STXBP4: variants seen among roughly 807,000 people sequenced by gnomAD.
STXBP4 encodes syntaxin-binding protein 4.
Under a neutral mutation model 76.1 loss-of-function variants are expected in STXBP4, and 55 were observed. That is an observed-to-expected ratio of 0.72 (90% CI 0.58 to 0.91). The LOEUF (loss-of-function observed/expected upper bound fraction) is 0.91. STXBP4 is among the 40% of genes least tolerant of loss of function. The pLI is 0.00. For missense variants in STXBP4, 618 were observed against 636.9 expected (o/e 0.97, Z 0.32); for synonymous variants, 201 against 220.2 (o/e 0.91, Z 0.77).
the STXBP4 span, among the ~76,000 whole-genome samples, chr17:55,192,157 T>A: frequency 6.6e-6 from 1 of 152,090 alleles, no homozygotes; most frequent in Non-Finnish European, 1.5e-5. Flanking sequence ...TCTGTCTGAG[T>A]TCTGAGTGAA....
chr17:55,092,124 T>C (rs79421174), intron 16 of STXBP4, among the ~76,000 whole-genome samples: 4,423 of 152,168 alleles, frequency 0.029, 88 homozygotes, highest in Admixed American at 0.042. Flanking sequence ...ACGCAAAGAC[T>C]AAGAATGACA....
intron 16 of STXBP4, among the ~76,000 whole-genome samples, chr17:55,083,463 T>A (rs1487600519): frequency 5.3e-5 from 8 of 152,318 alleles, no homozygotes; most frequent in African/African-American, 1.7e-4. Context: ...AGCACTTTTT[T>A]AAAAATAAGC....
intron 16 of STXBP4, among the ~76,000 whole-genome samples, chr17:55,093,908 G>A (rs1363668181): frequency 6.6e-6 from 1 of 152,148 alleles, no homozygotes; most frequent in Non-Finnish European, 1.5e-5. Flanking sequence ...GGCAGAGATG[G>A]ACAAGCAAGT....
At chr17:55,027,522 C>T (rs187854393) in intron 8 of STXBP4, among the ~76,000 whole-genome samples, 80 of 152,184 alleles carry the variant, frequency 5.3e-4, no homozygotes, top group Admixed American at 2.0e-3. Flanking sequence ...TAATACAATT[C>T]ATCTATGTAA....
the STXBP4 span, among the ~76,000 whole-genome samples, chr17:55,204,125 T>A: frequency 1.3e-5 from 2 of 152,154 alleles, no homozygotes; most frequent in East Asian, 3.9e-4. Context: ...CTTCTATTTT[T>A]AATGCTATTC....
chr17:55,049,234 C>T (rs1354628285), intron 12 of STXBP4, among the ~76,000 whole-genome samples: 1 of 151,768 alleles, frequency 6.6e-6, no homozygotes, highest in Non-Finnish European at 1.5e-5. Context: ...ACATGATATT[C>T]CTGAAGACCT....
rs544347900 is a variant in STXBP4, at chr17:55,078,215, A to G, written c.1305+21A>G. 2.7e-6 allele frequency: 4 copies of G among 1,489,246 alleles called. No homozygotes were observed. The Admixed American group carries it at 5.6e-5, about 21-fold the overall frequency. The allele number at this position is 1,489,246 out of a possible 1,614,324, so 92.3% of individuals were successfully genotyped here. A position where few individuals can be genotyped will look rare whatever the true frequency, so the allele number is the denominator to read the frequency against. On this transcript the variant is annotated intron_variant, in intron 14 of 17. Transcript: ENST00000376352. Reference sequence around the variant, plus strand: ...TAGAGGTAAGTTTTTCTGTTCTATTACATTCATCTTTAAAAAATATATAGG... The same window carrying G: ...TAGAGGTAAGTTTTTCTGTTCTATTGCATTCATCTTTAAAAAATATATAGG...
At chr17:55,110,621 A>G (rs1240041655) in intron 16 of STXBP4, among the ~76,000 whole-genome samples, 1 of 152,206 alleles carries the variant, frequency 6.6e-6, no homozygotes, top group Non-Finnish European at 1.5e-5. Flanking sequence ...ACCAAGTAGT[A>G]ACTATTTTAG....
At position 55,159,982 on chromosome 17, in the gene STXBP4, A is replaced by T; in HGVS notation, c.*71A>T. 1 of 935,770 alleles carries T rather than the reference A, an allele frequency of 1.1e-6. No individual in the cohort carries two copies. Among genetic ancestry groups the T allele is most frequent in the Non-Finnish European group, 1.7e-6 (1 of 584,490 alleles). 58.0% of individuals were successfully genotyped at this position (935,770 alleles called of 1,614,324 possible). On this transcript the variant is annotated 3_prime_UTR_variant, in exon 18 of 18. Coordinates refer to ENST00000376352, the MANE Select transcript of STXBP4 (RefSeq NM_178509.6). ...ACGCATAACATCCAATTCTGAGATG[A>T]AACAGTCTAAAATAGGAGTAAAGCA...
the STXBP4 span, among the ~76,000 whole-genome samples, chr17:55,183,097 A>C: frequency 6.6e-6 from 1 of 152,242 alleles, no homozygotes; most frequent in Non-Finnish European, 1.5e-5. Context: ...ACCTATTGAT[A>C]GGCAGCAACA....
intron 16 of STXBP4, among the ~76,000 whole-genome samples, chr17:55,106,731 G>A (rs1472894431): frequency 1.3e-5 from 2 of 151,948 alleles, no homozygotes; most frequent in African/African-American, 4.8e-5. Context: ...GCTTAGTTTG[G>A]CTGGATATGA....
chr17:55,071,256 C>T (rs1013730162), intron 12 of STXBP4, among the ~76,000 whole-genome samples: 1 of 152,122 alleles, frequency 6.6e-6, no homozygotes, highest in African/African-American at 2.4e-5. Context: ...AAACCAAAGT[C>T]CTTGCAACGG....
the STXBP4 span, among the ~76,000 whole-genome samples, chr17:55,208,488 G>A: frequency 6.7e-6 from 1 of 150,206 alleles, no homozygotes; most frequent in African/African-American, 2.5e-5. Context: ...TGAAAAATCA[G>A]TACTGTTATG....
chr17:55,186,469 G>A, the STXBP4 span, among the ~76,000 whole-genome samples: 1 of 152,198 alleles, frequency 6.6e-6, no homozygotes, highest in Non-Finnish European at 1.5e-5. Context: ...AGTATGTAGT[G>A]TTGTAAAAGA....
the STXBP4 span, among the ~76,000 whole-genome samples, chr17:55,185,290 TCTC>T: frequency 6.7e-5 from 6 of 90,188 alleles, no homozygotes; most frequent in African/African-American, 2.8e-4. Flanking sequence ...TCCTTCTCCT[TCTC>T]CTTCTCCTTC....
At chr17:55,197,515 G>A in the STXBP4 span, among the ~76,000 whole-genome samples, 207 of 152,256 alleles carry the variant, frequency 1.4e-3, 1 homozygote, top group Non-Finnish European at 4.4e-4. Context: ...AGGCCAAGGC[G>A]GGCAGATAAC....
chr17:55,205,353 A>C, the STXBP4 span, among the ~76,000 whole-genome samples: 197 of 152,286 alleles, frequency 1.3e-3, 4 homozygotes, highest in South Asian at 0.039. Context: ...GATGAATTAA[A>C]GATCTAAAGA....
chr17:55,048,704 A>T (rs1187184985), intron 12 of STXBP4, among the ~76,000 whole-genome samples: 1 of 151,888 alleles, frequency 6.6e-6, no homozygotes. Context: ...CAGAAATGAA[A>T]ACTAAATTAC....
At chr17:55,206,781 C>T in the STXBP4 span, among the ~76,000 whole-genome samples, 1 of 148,300 alleles carries the variant, frequency 6.7e-6, no homozygotes, top group African/African-American at 2.5e-5. Context: ...TTCTTGAACC[C>T]GGAAGGGGGA....
Sources: gnomAD v4.1 joint callset for allele counts (sites outside exome capture counted in the v4.1 genomes callset) on GRCh38, gnomAD v4.1.1 for gene constraint, MANE v1.5 for transcripts, NCBI Gene and HGNC (gene_info 2026-07-23, HGNC 2026-07-21) for gene names.